Variants in SLC24A1 observed in about 807,000 individuals in gnomAD.
SLC24A1 encodes the protein sodium/potassium/calcium exchanger 1.
In SLC24A1, 52 loss-of-function variants were observed where a neutral mutation model predicts 88.1. The ratio of observed to expected loss-of-function variants is 0.59; its 90% CI spans 0.47 to 0.74. SLC24A1 has a LOEUF of 0.74. Ranked by LOEUF, SLC24A1 falls within the 30% of genes least tolerant of loss-of-function variation. The pLI is 0.00. For synonymous variants in SLC24A1, 455 were observed against 498.0 expected (o/e 0.91, Z 1.15); for missense variants, 1,173 against 1,363.3 (o/e 0.86, Z 2.20).
chr15:65,619,506 A>G (rs2141414392), upstream of SLC24A1, among the ~76,000 whole-genome samples: 1 of 152,228 alleles, frequency 6.6e-6, no homozygotes, highest in Non-Finnish European at 1.5e-5. Context: ...AAGGCATTAA[A>G]ATTTGCAACC....
At chr15:65,653,217 A>G (rs375859068) in intron 9 of SLC24A1, among the ~76,000 whole-genome samples, 61 of 152,334 alleles carry the variant, frequency 4.0e-4, no homozygotes, top group South Asian at 3.7e-3. Context: ...AGCATTTTGT[A>G]TAACACGCAA....
At chr15:65,612,364 T>G (rs1372758637) in intron 1 of SLC24A1, 1 of 152,304 alleles carries the variant, frequency 6.6e-6, no homozygotes, top group Non-Finnish European at 1.5e-5. Context: ...GGGGCGAGAT[T>G]AGGAGATGGG....
chr15:65,646,859 G>A (rs938462008), intron 6 of SLC24A1, among the ~76,000 whole-genome samples: 1 of 152,176 alleles, frequency 6.6e-6, no homozygotes, highest in East Asian at 1.9e-4. Context: ...ACAGCTTCAT[G>A]GTAACATGAG....
chr15:65,649,744 A>C (rs749741324), intron 6 of SLC24A1, among the ~76,000 whole-genome samples: 1 of 152,220 alleles, frequency 6.6e-6, no homozygotes, highest in Non-Finnish European at 1.5e-5. Flanking sequence ...TATTTTGTAG[A>C]TATAAGGTAA....
chr15:65,625,206 A>C lies in SLC24A1; in HGVS notation c.1126A>C (p.Ser376Arg). The stretch of plus-strand genomic sequence containing the variant: ...GGCAAAGAAACCTTCCACAGCACCC[A>C]GCACCTCAACAACCCCTACGGTCAG... ...RLAKKPSTAPSTSTTPTVRAK... is the reference protein window; with the variant it reads ...RLAKKPSTAPRTSTTPTVRAK... Residue 376 changes from serine to arginine, a missense_variant, in exon 2 of 10, where the codon AGC (serine) becomes CGC (arginine). By Grantham distance (110) the Ser-to-Arg change is moderately radical. Transcript: ENST00000261892. 1 of 1,613,932 alleles carries C rather than the reference A, an allele frequency of 6.2e-7. No individual in the cohort carries two copies. The highest frequency in any genetic ancestry group is 8.5e-7 in the Non-Finnish European group (1 of 1,179,880).
chr15:65,616,035 A>G (rs1420228007), intron 2 of SLC24A1, among the ~76,000 whole-genome samples: 1 of 152,036 alleles, frequency 6.6e-6, no homozygotes, highest in Admixed American at 6.6e-5. Flanking sequence ...AGCTTCATCC[A>G]TGTCCCTGCA....
downstream of SLC24A1, among the ~76,000 whole-genome samples, chr15:65,656,909 C>CA (rs1390956139): frequency 6.6e-6 from 1 of 152,194 alleles, no homozygotes; most frequent in Admixed American, 6.5e-5. Flanking sequence ...CTTGCCCTGT[C>CA]ACCCAGGCTA....
chr15:65,629,854 T>C (rs539962347), intron 2 of SLC24A1, among the ~76,000 whole-genome samples: 3 of 152,218 alleles, frequency 2.0e-5, no homozygotes, highest in African/African-American at 7.2e-5. Context: ...AAGAGCCTAG[T>C]TGGGGCTCCT....
intron 2 of SLC24A1, among the ~76,000 whole-genome samples, chr15:65,631,429 TAG>T (rs2074720875): frequency 6.6e-6 from 1 of 152,178 alleles, no homozygotes; most frequent in Non-Finnish European, 1.5e-5. Context: ...GGGCATGTGA[TAG>T]AGAGTGATTG....
At chr15:65,646,381 C>G (rs1205487753) in intron 6 of SLC24A1, among the ~76,000 whole-genome samples, 5 of 152,060 alleles carry the variant, frequency 3.3e-5, no homozygotes, top group Admixed American at 2.6e-4. Context: ...CCGGCCGTCT[C>G]CATGTTTTTC....
At chr15:65,619,618 C>T (rs1488142928), upstream of SLC24A1, among the ~76,000 whole-genome samples, 1 of 152,092 alleles carries the variant, frequency 6.6e-6, no homozygotes, top group Non-Finnish European at 1.5e-5. Context: ...GTAGAGTCAG[C>T]TGCAACTCCT....
At chr15:65,635,465 A>AG (rs1009138052) in intron 2 of SLC24A1, among the ~76,000 whole-genome samples, 2 of 143,718 alleles carry the variant, frequency 1.4e-5, no homozygotes, top group African/African-American at 2.6e-5. Flanking sequence ...AAAAAAAAAA[A>AG]AAAAAGAAAA....
chr15:65,653,467 T>C (rs2075571692), intron 9 of SLC24A1, among the ~76,000 whole-genome samples: 1 of 151,598 alleles, frequency 6.6e-6, no homozygotes, highest in African/African-American at 2.4e-5. Context: ...ACATATCACA[T>C]TGGGGCTGGG....
At chr15:65,660,548 A>C, downstream of SLC24A1, 1 of 396,136 alleles carries the variant, frequency 2.5e-6, no homozygotes, top group East Asian at 3.6e-5. Context: ...TAGCAGCCAA[A>C]AGATGTTTTT....
chr15:65,639,638 A>G lies in SLC24A1; in HGVS notation c.1988A>G (p.His663Arg). The G allele has an allele frequency of 1.2e-6, 2 of 1,613,044 alleles. No homozygotes were observed. The highest frequency in any genetic ancestry group is 1.1e-5 in the South Asian group (1 of 90,712). Residue 663 changes from histidine (H) to arginine (R), a missense_variant, in exon 4 of 10, where the codon CAC becomes CGC. Transcript: ENST00000261892. ...CGAGGGAGCAGCTCGACCTCTCTGC[A>G]CAACAGCACCATCCGCAGCACCATC... ...LTRGSSSTSLHNSTIRSTIYQ... is the reference protein window; with the variant it reads ...LTRGSSSTSLRNSTIRSTIYQ...
At chr15:65,642,198 G>A (rs1307233696) in intron 4 of SLC24A1, among the ~76,000 whole-genome samples, 1 of 152,200 alleles carries the variant, frequency 6.6e-6, no homozygotes, top group Non-Finnish European at 1.5e-5. Flanking sequence ...ATGCACATTT[G>A]TGTTTTTGTA....
chr15:65,647,930 G>C (rs2075360079), intron 6 of SLC24A1, among the ~76,000 whole-genome samples: 1 of 152,218 alleles, frequency 6.6e-6, no homozygotes, highest in Admixed American at 6.5e-5. Flanking sequence ...AATGAAGTCA[G>C]AATATCTGGG....
chr15:65,640,163 A>G (rs1221918892), intron 4 of SLC24A1, among the ~76,000 whole-genome samples: 2 of 152,160 alleles, frequency 1.3e-5, no homozygotes, highest in African/African-American at 4.8e-5. Flanking sequence ...GTAGGGTCCC[A>G]AAGCCCAGAA....
At chr15:65,653,521 A>G (rs1408024794) in intron 9 of SLC24A1, among the ~76,000 whole-genome samples, 1 of 152,246 alleles carries the variant, frequency 6.6e-6, no homozygotes, top group Non-Finnish European at 1.5e-5. Flanking sequence ...AAAAAAAAAA[A>G]AAAGGCACAC....
Sources: allele counts gnomAD v4.1 joint callset (sites outside exome capture counted in the v4.1 genomes callset), GRCh38; gene constraint gnomAD v4.1.1; transcripts MANE v1.5; gene names NCBI Gene and HGNC (gene_info 2026-07-23, HGNC 2026-07-21).